BMPR1A: variants seen among roughly 807,000 people sequenced by gnomAD.
BMPR1A encodes the protein bone morphogenetic protein receptor type-1A.
BMPR1A carries 7 observed loss-of-function variants against 66.0 expected under a neutral mutation model. The observed-to-expected ratio is 0.11, with a 90% CI of 0.06 to 0.20. The LOEUF (loss-of-function observed/expected upper bound fraction) is 0.20, where lower values mean the gene tolerates loss of function less well. BMPR1A is among the 10% of genes least tolerant of loss of function. BMPR1A has a pLI of 1.00. For missense variants in BMPR1A, 408 were observed against 669.1 expected (o/e 0.61, Z 4.31); for synonymous variants, 200 against 229.7 (o/e 0.87, Z 1.17).
chr10:86,790,614 A>G (rs1245752642), intron 1 of BMPR1A, among the ~76,000 whole-genome samples: 1 of 152,216 alleles, frequency 6.6e-6, no homozygotes, highest in African/African-American at 2.4e-5. Context: ...CACCCATGAA[A>G]AGAAATGAAG....
intron 1 of BMPR1A, among the ~76,000 whole-genome samples, chr10:86,773,333 G>T (rs944181464): frequency 5.3e-5 from 8 of 151,904 alleles, no homozygotes; most frequent in Non-Finnish European, 1.0e-4. Context: ...TCACGCCTGT[G>T]ATCCCAGCAC....
intron 2 of BMPR1A, among the ~76,000 whole-genome samples, chr10:86,859,955 C>T (rs1173276345): frequency 6.6e-6 from 1 of 152,218 alleles, no homozygotes; most frequent in Non-Finnish European, 1.5e-5. Flanking sequence ...ACAAAAGCAT[C>T]TCTTCAAGTT....
At chr10:86,770,058 G>A (rs1038680303) in intron 1 of BMPR1A, among the ~76,000 whole-genome samples, 4 of 152,036 alleles carry the variant, frequency 2.6e-5, no homozygotes, top group Non-Finnish European at 5.9e-5. Flanking sequence ...TTGGGAGGCC[G>A]AGGTGGGAGG....
chr10:86,762,999 G>A (rs1382300648), intron 1 of BMPR1A, among the ~76,000 whole-genome samples: 4 of 152,106 alleles, frequency 2.6e-5, no homozygotes, highest in Non-Finnish European at 4.4e-5. Context: ...CGGGTTAAGC[G>A]ATTCTCATGC....
intron 3 of BMPR1A, among the ~76,000 whole-genome samples, chr10:86,888,013 A>G (rs901973502): frequency 2.0e-5 from 3 of 152,168 alleles, no homozygotes; most frequent in African/African-American, 7.2e-5. Context: ...TTTCTAACAT[A>G]AAGGAGGTCT....
intron 3 of BMPR1A, among the ~76,000 whole-genome samples, chr10:86,882,683 A>G (rs1268507516): frequency 6.6e-6 from 1 of 150,850 alleles, no homozygotes; most frequent in African/African-American, 2.4e-5. Context: ...AAAAAGACCC[A>G]ACACGGTGGC....
At chr10:86,887,057 T>G (rs1843076421) in intron 3 of BMPR1A, among the ~76,000 whole-genome samples, 2 of 152,054 alleles carry the variant, frequency 1.3e-5, no homozygotes, top group African/African-American at 4.8e-5. Flanking sequence ...GGTCTTGAAC[T>G]CCTGACCTCA....
chr10:86,857,751 C>CA (rs1207331757), intron 2 of BMPR1A, among the ~76,000 whole-genome samples: 7,441 of 86,774 alleles, frequency 0.086, 362 homozygotes, highest in African/African-American at 0.19. Flanking sequence ...TCTAGTGATC[C>CA]AAAAAAAAAA....
At position 86,851,051 on chromosome 10, in the gene BMPR1A, A is replaced by T. The variant is rs369718341; in HGVS notation, c.-153+12072A>T. Among the ~76,000 whole-genome samples the T allele has an allele frequency of 6.6e-5, 10 of 152,342 alleles. No homozygotes were observed. The East Asian group carries it at 1.3e-3, about 21-fold the overall frequency. On this transcript the variant is annotated intron_variant, in intron 2 of 12. Coordinates refer to ENST00000372037, the MANE Select transcript of BMPR1A (RefSeq NM_004329.3). ...ATGAAATAAACCAGAAATATTTTGG[A>T]AAGAAGAGGTTTTAAGTATATTCAG...
chr10:86,879,732 A>G (rs1462158053), intron 3 of BMPR1A, among the ~76,000 whole-genome samples: 2 of 152,228 alleles, frequency 1.3e-5, no homozygotes, highest in East Asian at 1.9e-4. Flanking sequence ...CTTCGGGTCC[A>G]GGTGCCTCTT....
At chr10:86,831,687 C>A (rs1056363536) in intron 1 of BMPR1A, among the ~76,000 whole-genome samples, 5 of 152,096 alleles carry the variant, frequency 3.3e-5, no homozygotes, top group African/African-American at 9.7e-5. Context: ...TCACTTGAGC[C>A]CAGTAGGTGG....
intron 7 of BMPR1A, among the ~76,000 whole-genome samples, chr10:86,911,039 C>T (rs1432133034): frequency 6.6e-6 from 1 of 151,534 alleles, no homozygotes. Context: ...CCAGTAGTCC[C>T]AGCCACTTGG....
At chr10:86,804,926 C>T (rs373241950) in intron 1 of BMPR1A, among the ~76,000 whole-genome samples, 74 of 151,652 alleles carry the variant, frequency 4.9e-4, no homozygotes, top group African/African-American at 1.6e-3. Context: ...TAGGAGTGTC[C>T]GCAGAGCCAT....
At chr10:86,872,956 G>A (rs11599845) in intron 2 of BMPR1A, among the ~76,000 whole-genome samples, 10,237 of 152,188 alleles carry the variant, frequency 0.067, 379 homozygotes, top group South Asian at 0.11. Context: ...AATTCAGAGA[G>A]GTTAAGTTAA....
chr10:86,896,165 G>GA (rs35504090), intron 5 of BMPR1A, among the ~76,000 whole-genome samples: 1,838 of 103,740 alleles, frequency 0.018, 27 homozygotes, highest in African/African-American at 0.051. Context: ...AAAAAGAAAA[G>GA]AAAAAAAAAA....
chr10:86,798,334 AAGT>A (rs1239469243), intron 1 of BMPR1A, among the ~76,000 whole-genome samples: 12 of 152,208 alleles, frequency 7.9e-5, no homozygotes, highest in African/African-American at 2.9e-4. Context: ...TTATCAATAA[AAGT>A]AGCATTTTAA....
At chr10:86,819,773 C>T (rs1842094764) in intron 1 of BMPR1A, among the ~76,000 whole-genome samples, 1 of 152,184 alleles carries the variant, frequency 6.6e-6, no homozygotes, top group Non-Finnish European at 1.5e-5. Flanking sequence ...GGGTAACAGT[C>T]TCCAGGCATA....
intron 1 of BMPR1A, among the ~76,000 whole-genome samples, chr10:86,762,513 A>G (rs1403034949): frequency 6.6e-6 from 1 of 152,120 alleles, no homozygotes; most frequent in Admixed American, 6.5e-5. Flanking sequence ...GCGCCCGCCA[A>G]TACGCCTGGC....
At chr10:86,892,909 C>T (rs1440942095) in intron 5 of BMPR1A, among the ~76,000 whole-genome samples, 4 of 150,728 alleles carry the variant, frequency 2.7e-5, no homozygotes, top group South Asian at 4.2e-4. Context: ...AAATTTTAAC[C>T]GTCTTTGGCT....
Sources: gnomAD v4.1 joint callset for allele counts (sites outside exome capture counted in the v4.1 genomes callset) on GRCh38, gnomAD v4.1.1 for gene constraint, MANE v1.5 for transcripts, NCBI Gene and HGNC (gene_info 2026-07-23, HGNC 2026-07-21) for gene names.